The following NRXN2 variants were observed in gnomAD, a reference collection of about 807,000 sequenced individuals.
The protein encoded by NRXN2 is neurexin-2-beta.
Under a neutral mutation model 128.8 loss-of-function variants are expected in NRXN2, and 29 were observed. That is an observed-to-expected ratio of 0.23 (90% confidence interval 0.17 to 0.31). NRXN2 has a LOEUF of 0.31. Among genes scored for constraint, NRXN2 ranks in the 10% least tolerant of loss-of-function variants. NRXN2 has a pLI of 1.00. For missense variants in NRXN2, 1,881 were observed against 2,452.6 expected (o/e 0.77, Z 4.92); for synonymous variants, 1,098 against 1,075.2 (o/e 1.02, Z -0.41).
At chr11:64,702,059 C>T (rs1274028539) in intron 2 of NRXN2, among the ~76,000 whole-genome samples, 21 of 149,760 alleles carry the variant, frequency 1.4e-4, no homozygotes, top group African/African-American at 4.9e-4. Flanking sequence ...AGGGGTGCCT[C>T]TGCCCTGCCG....
intron 22 of NRXN2, among the ~76,000 whole-genome samples, chr11:64,608,855 T>G (rs1184940933): frequency 6.6e-6 from 1 of 151,804 alleles, no homozygotes; most frequent in Non-Finnish European, 1.5e-5. Context: ...TGTCAGCATG[T>G]CGGGGAGGGA....
intron 5 of NRXN2, chr11:64,688,540 A>G (rs2053399120): frequency 2.0e-6 from 2 of 985,342 alleles, no homozygotes; most frequent in Non-Finnish European, 2.4e-6. Context: ...AGCACAAACA[A>G]GATCTGGGCT....
rs148739958 is a variant in NRXN2 at position 64,650,092 on chromosome 11, C to T, written c.3109+356G>A. Among the ~76,000 whole-genome samples the T allele has an allele frequency of 1.6e-4, 25 of 152,166 alleles. No individual in the cohort carries two copies. The East Asian group carries it at 4.8e-3, about 29-fold the overall frequency. Reference sequence around the variant, plus strand: ...AGCGTCTACCTCACCCAGGAGGATGCTAAGCTCCCTATTCTCACTCCAGCC... The same window carrying T: ...AGCGTCTACCTCACCCAGGAGGATGTTAAGCTCCCTATTCTCACTCCAGCC... On this transcript the variant is annotated intron_variant, in intron 15 of 22. Coordinates refer to ENST00000265459, the MANE Select transcript of NRXN2 (RefSeq NM_015080.4).
chr11:64,638,387 C>A, intron 17 of NRXN2, among the ~76,000 whole-genome samples: 1 of 152,186 alleles, frequency 6.6e-6, no homozygotes, highest in South Asian at 2.1e-4. Flanking sequence ...CTCTCCCCAG[C>A]ACCGCGGCTG....
At chr11:64,720,348 C>T (rs900060467) in intron 1 of NRXN2, among the ~76,000 whole-genome samples, 3 of 152,148 alleles carry the variant, frequency 2.0e-5, no homozygotes, top group South Asian at 2.1e-4. Context: ...AGGTGGGTGG[C>T]GTGTGAGGAC....
rs2047413428 is a variant in NRXN2 at position 64,651,177 on chromosome 11, TAGCC to T, written c.2918+74_2918+77del. 6.3e-7 allele frequency: 1 copy of T among 1,593,330 alleles called. No individual in the cohort carries two copies. On this transcript the variant is annotated intron_variant, in intron 14 of 22. Coordinates refer to ENST00000265459, the MANE Select transcript of NRXN2 (RefSeq NM_015080.4). This position sits in a 1 kb window ranked among gnomAD's most constrained non-coding sequence, Gnocchi z 5.9. ...TGGGGGGATTGGACACCTCGGCCAG[TAGCC>T]AGGAGAGCTGTATGTGGTTCAGCAG...
In NRXN2 at chr11:64,650,496, G is replaced by GGGAGTCAATCTTGAGCGTGTGCA; in HGVS notation, c.3038_3060dup (p.Arg1021CysfsTer32). 1 of 1,614,194 alleles carries GGGAGTCAATCTTGAGCGTGTGCA rather than the reference G, an allele frequency of 6.2e-7. No individual in the cohort carries two copies. Among genetic ancestry groups the GGGAGTCAATCTTGAGCGTGTGCA allele is most frequent in the Middle Eastern group, 1.6e-4 (1 of 6,062 alleles). ...CCATTGGAGTGCTGCGTGACAGTGC[G>GGGAGTCAATCTTGAGCGTGTGCA]GGAGTCAATCTTGAGCGTGTGCACG... On this transcript the variant is annotated frameshift_variant, in exon 15 of 23. Coordinates refer to ENST00000265459, the MANE Select transcript of NRXN2 (RefSeq NM_015080.4). LOFTEE classifies it high-confidence loss of function.
Position 64,630,374 on chromosome 11 carries a change from G to C in NRXN2, c.3757+28C>G, listed in dbSNP as rs777661671. The C allele has an allele frequency of 6.6e-6, 10 of 1,519,072 alleles. No individual in the cohort carries two copies. Among genetic ancestry groups the C allele is most frequent in the Non-Finnish European group, 8.9e-6 (10 of 1,124,828 alleles). The allele number at this position is 1,519,072 out of a possible 1,614,324, so 94.1% of individuals were successfully genotyped here. On this transcript the variant is annotated intron_variant, in intron 19 of 22. Coordinates refer to ENST00000265459, the MANE Select transcript of NRXN2 (RefSeq NM_015080.4). The surrounding 1 kb of genome is among the most constrained non-coding windows in gnomAD (Gnocchi z 4.6). ...AGGCCGCCACCCGCCCCGCCACCGC[G>C]CCTCCTCCGCGGGCCCGCGCCGCCT... is the stretch of plus-strand genomic sequence containing the variant.
chr11:64,631,584 G>A lies in NRXN2; in HGVS notation c.3586-1011C>T, dbSNP rs1359339841. ...AGCTCATAGCTCCCCATTTCATCAA[G>A]AAAGAGACTGAGGCTCAGCATAGTT... On this transcript the variant is annotated intron_variant, in intron 18 of 22. Transcript: ENST00000265459. The surrounding 1 kb of genome is among the most constrained non-coding windows in gnomAD (Gnocchi z 4.8). 6.6e-6 allele frequency among the ~76,000 whole-genome samples: 1 copy of A among 152,130 alleles called. No homozygotes were observed. The highest frequency in any genetic ancestry group is 1.9e-4 in the East Asian group (1 of 5,200).
chr11:64,646,233 G>A (rs542911418), intron 17 of NRXN2, among the ~76,000 whole-genome samples: 3 of 152,096 alleles, frequency 2.0e-5, no homozygotes, highest in South Asian at 2.1e-4. Context: ...GGATGGTGAC[G>A]CCTCCCAAGA....
intron 2 of NRXN2, among the ~76,000 whole-genome samples, chr11:64,704,964 G>C (rs1317220124): frequency 6.6e-6 from 1 of 152,210 alleles, no homozygotes; most frequent in Admixed American, 6.5e-5. Context: ...TGGGTTAGTT[G>C]TGTGTTTTAA....
chr11:64,699,974 T>C (rs2055103317), intron 2 of NRXN2, among the ~76,000 whole-genome samples: 1 of 152,232 alleles, frequency 6.6e-6, no homozygotes, highest in Admixed American at 6.5e-5. Context: ...CGTCATGCTA[T>C]GCTCAGGAAG....
At chr11:64,653,555 A>G in intron 12 of NRXN2, 141 bp downstream of exon 12, 1 of 826,328 alleles carries the variant, frequency 1.2e-6, no homozygotes, top group Non-Finnish European at 2.1e-6. Flanking sequence ...TCCTGCCTGC[A>G]CCCCTCCCCA....
intron 18 of NRXN2, among the ~76,000 whole-genome samples, chr11:64,633,657 A>T (rs2044264153): frequency 6.6e-6 from 1 of 152,046 alleles, no homozygotes; most frequent in Admixed American, 6.5e-5. Context: ...GGAAATACAC[A>T]TCTATAGATA....
rs1257148732 is a variant in NRXN2 at position 64,713,087 on chromosome 11, G to A, written c.613C>T (p.Leu205=). The A allele has an allele frequency of 4.6e-6, 6 of 1,306,676 alleles. No individual in the cohort carries two copies. The highest frequency in any genetic ancestry group is 2.4e-5 in the South Asian group (1 of 41,832). The allele number at this position is 1,306,676 out of a possible 1,614,324, so 80.9% of individuals were successfully genotyped here. A position where few individuals can be genotyped will look rare whatever the true frequency, so the allele number is the denominator to read the frequency against. The stretch of plus-strand genomic sequence containing the variant: ...CAGGGGTTGCGCGCGGGCGCGCACA[G>A]CGGGTCGGCGGTGGCGCCGCGCAGG... ...QGLRGATADP[L]CAPARNPCAN... Residue 205 remains leucine, a synonymous_variant, in exon 2 of 23, where the codon CTG becomes TTG. Coordinates refer to ENST00000265459, the MANE Select transcript of NRXN2 (RefSeq NM_015080.4).
rs1309339564 is a variant in NRXN2 at position 64,667,277 on chromosome 11, C to T, written c.1771G>A (p.Val591Met). 15 of 1,614,108 alleles carry T rather than the reference C, an allele frequency of 9.3e-6. 1 individual carries two copies. In the East Asian group the frequency reaches 2.7e-4, roughly 29 times the overall value. The change falls in exon 9 of 23, where the codon GTG (valine) becomes ATG (methionine). Residue 591 changes from valine (V) to methionine (M), a missense_variant. This residue lies in a region of NRXN2 where 997 missense variants were observed against 1,240.8 expected (regional missense o/e 0.80). Transcript: ENST00000265459. This position sits in a 1 kb window ranked among gnomAD's most constrained non-coding sequence, Gnocchi z 5.6. ...RKVNDGEWCHVDFQRDGRKGS... is the reference protein window; with the variant it reads ...RKVNDGEWCHMDFQRDGRKGS... ...TTTCGCCCATCCCTCTGGAAGTCCACGTGACACCACTCGCCATCATTGACC... is the reference window on the plus strand; with the variant it reads ...TTTCGCCCATCCCTCTGGAAGTCCATGTGACACCACTCGCCATCATTGACC...
At chr11:64,690,597 A>T in intron 4 of NRXN2, 121 bp from the exon 5 acceptor site, 1 of 876,782 alleles carries the variant, frequency 1.1e-6, no homozygotes. Context: ...AGGGGAGGAG[A>T]GGCTTTTCTG....
chr11:64,649,095 T>C (rs560353871), intron 15 of NRXN2, among the ~76,000 whole-genome samples, 188 bp from the exon 16 acceptor site: 1 of 152,220 alleles, frequency 6.6e-6, no homozygotes, highest in Admixed American at 6.5e-5. Flanking sequence ...CCTTCTCCAC[T>C]TTGCCATCTG....
intron 7 of NRXN2, among the ~76,000 whole-genome samples, chr11:64,670,847 C>T (rs2050538010): frequency 6.6e-6 from 1 of 152,158 alleles, no homozygotes; most frequent in African/African-American, 2.4e-5. Flanking sequence ...TCCCAAAGCT[C>T]CCCAGGAAGA....
Sources: allele counts gnomAD v4.1 joint callset (sites outside exome capture counted in the v4.1 genomes callset), GRCh38; gene constraint gnomAD v4.1.1; regional missense constraint gnomAD v4.1.1; non-coding constraint Gnocchi (gnomAD v3.1); transcripts MANE v1.5; gene names NCBI Gene and HGNC (gene_info 2026-07-23, HGNC 2026-07-21).